Variants in ERICH6B observed in about 807,000 individuals in gnomAD.
ERICH6B encodes glutamate-rich protein 6B.
Under a neutral mutation model 80.0 loss-of-function variants are expected in ERICH6B, and 69 were observed. That is an observed-to-expected ratio of 0.86 (90% CI 0.71 to 1.05). The LOEUF is 1.05. Ranked by LOEUF, ERICH6B falls within the 50% of genes least tolerant of loss-of-function variation. The pLI, the probability that ERICH6B is intolerant of heterozygous loss-of-function variation, is 0.00. For missense variants in ERICH6B, 754 were observed against 796.1 expected, an observed-to-expected ratio of 0.95 and a Z score of 0.64; for synonymous variants, 283 against 291.9, an observed-to-expected ratio of 0.97 and a Z score of 0.31.
intron 8 of ERICH6B, 27 bp downstream of exon 8, chr13:45,574,815 G>GGC (rs767192895): frequency 3.5e-5 from 53 of 1,510,044 alleles, no homozygotes; most frequent in African/African-American, 1.1e-4. Context: ...AGCTGGGGGG[G>GGC]GGGTCTCAAG....
chr13:45,549,847 G>T (rs1395378138), intron 13 of ERICH6B, 46 bp downstream of exon 13: 1 of 1,527,072 alleles, frequency 6.5e-7, no homozygotes, highest in Non-Finnish European at 8.8e-7. Flanking sequence ...TTTTCCAGCT[G>T]CTTCTCCATG....
intron 7 of ERICH6B, among the ~76,000 whole-genome samples, chr13:45,575,282 C>T (rs757874363): frequency 1.3e-5 from 2 of 152,190 alleles, no homozygotes; most frequent in African/African-American, 2.4e-5. Flanking sequence ...GAACATTTGC[C>T]GCACATTCCG....
At position 45,574,950 on chromosome 13, in the gene ERICH6B, C is replaced by G; in HGVS notation, c.962-20G>C. 3.3e-6 allele frequency: 5 copies of G among 1,508,698 alleles called. No individual in the cohort carries two copies. Among genetic ancestry groups the G allele is most frequent in the Non-Finnish European group, 4.5e-6 (5 of 1,111,904 alleles). 93.5% of individuals were successfully genotyped at this position (1,508,698 alleles called of 1,614,324 possible). ...CCAGGACTTTCGATTTTGGAAGGAGCGTCGAAAGGAAGGGCATGTGGAAAG... is the reference window on the plus strand; with the variant it reads ...CCAGGACTTTCGATTTTGGAAGGAGGGTCGAAAGGAAGGGCATGTGGAAAG... On this transcript the variant is annotated intron_variant, in intron 7 of 14. Coordinates refer to ENST00000298738, the MANE Select transcript of ERICH6B (RefSeq NM_182542.3).
In ERICH6B at chr13:45,541,534, G is replaced by A. The variant is rs1222478398; in HGVS notation, c.2019C>T (p.Phe673=). 6.4e-7 allele frequency: 1 copy of A among 1,552,140 alleles called. No homozygotes were observed. Among genetic ancestry groups the A allele is most frequent in the East Asian group, 2.4e-5 (1 of 40,912 alleles). ...TCAGTGATATACTGACGGCCTCTAT[G>A]AAGTTTTCCAGATCAGGGGTGGTCG... ...NYATTPDLEN[F]IEAVSISLMD... is the part of the protein sequence containing the mutation. Residue 673 remains phenylalanine (F), a synonymous_variant, in exon 15 of 15, where the codon TTC becomes TTT. Coordinates refer to ENST00000298738, the MANE Select transcript of ERICH6B (RefSeq NM_182542.3).
chr13:45,589,966 C>T (rs920836304), intron 4 of ERICH6B, among the ~76,000 whole-genome samples: 3 of 152,164 alleles, frequency 2.0e-5, no homozygotes, highest in African/African-American at 7.2e-5. Flanking sequence ...CAAGTTGTAA[C>T]TTATGGGTCC....
chr13:45,556,501 G>A (rs1593777199), intron 11 of ERICH6B, among the ~76,000 whole-genome samples: 1 of 152,206 alleles, frequency 6.6e-6, no homozygotes, highest in East Asian at 1.9e-4. Flanking sequence ...ACCCATCACC[G>A]AAGCAGTAAT....
intron 5 of ERICH6B, among the ~76,000 whole-genome samples, chr13:45,582,261 A>T (rs929824716): frequency 6.6e-6 from 1 of 152,224 alleles, no homozygotes; most frequent in African/African-American, 2.4e-5. Context: ...ATGGCACTCC[A>T]ATGCAGGGCA....
At chr13:45,548,699 C>T (rs976741706) in intron 13 of ERICH6B, among the ~76,000 whole-genome samples, 1 of 152,160 alleles carries the variant, frequency 6.6e-6, no homozygotes, top group African/African-American at 2.4e-5. Flanking sequence ...GCTTGATGGT[C>T]TGTCACCAGA....
chr13:45,566,821 T>C (rs1344052178), intron 9 of ERICH6B, among the ~76,000 whole-genome samples: 1 of 152,178 alleles, frequency 6.6e-6, no homozygotes, highest in Non-Finnish European at 1.5e-5. Context: ...CTAATGGAGC[T>C]ATGAGAAGAG....
chr13:45,549,675 C>T (rs569966572), intron 13 of ERICH6B, among the ~76,000 whole-genome samples: 13 of 152,340 alleles, frequency 8.5e-5, no homozygotes, highest in East Asian at 5.8e-4. Flanking sequence ...GGAGCCTTGA[C>T]GGCTATTTCA....
chr13:45,545,106 G>T, intron 13 of ERICH6B, 121 bp from the exon 14 acceptor site: 1 of 825,264 alleles, frequency 1.2e-6, no homozygotes, highest in Non-Finnish European at 1.9e-6. Context: ...GGACTTGATG[G>T]GTAGGAGAAG....
chr13:45,599,152 T>C (rs939640072), intron 2 of ERICH6B, among the ~76,000 whole-genome samples: 3 of 152,144 alleles, frequency 2.0e-5, no homozygotes, highest in African/African-American at 4.8e-5. Context: ...CAAATGTAAA[T>C]CTGGGAAATA....
chr13:45,594,032 G>A (rs1370108110), intron 3 of ERICH6B, among the ~76,000 whole-genome samples: 1 of 152,220 alleles, frequency 6.6e-6, no homozygotes, highest in Non-Finnish European at 1.5e-5. Flanking sequence ...CTGAGCATCT[G>A]CTATAGGTGA....
chr13:45,555,692 G>T (rs1221461111), intron 11 of ERICH6B, among the ~76,000 whole-genome samples: 1 of 152,034 alleles, frequency 6.6e-6, no homozygotes, highest in African/African-American at 2.4e-5. Flanking sequence ...CCAGATCCCC[G>T]AGATGCACTT....
intron 2 of ERICH6B, among the ~76,000 whole-genome samples, chr13:45,604,188 G>C (rs1171235851): frequency 1.3e-5 from 2 of 152,250 alleles, no homozygotes; most frequent in East Asian, 3.8e-4. Context: ...ACTCTGTGAG[G>C]ATGTTTGGAG....
intron 3 of ERICH6B, among the ~76,000 whole-genome samples, chr13:45,591,638 T>G (rs1361576304): frequency 1.3e-5 from 2 of 152,072 alleles, no homozygotes; most frequent in Non-Finnish European, 2.9e-5. Flanking sequence ...TCTCTAAAAA[T>G]TAAGCAACAT....
Position 45,541,767 on chromosome 13 carries a change from A to T in ERICH6B, c.1873-87T>A, listed in dbSNP as rs1050334462. ...CCAGGCCAGATCTCCTGTGGCCAGG[A>T]CCAAGCGTTCCCTGAGCCTTCACTC... On this transcript the variant is annotated intron_variant, in intron 14 of 14. Coordinates refer to ENST00000298738, the MANE Select transcript of ERICH6B (RefSeq NM_182542.3). 3 of 1,250,390 alleles carry T rather than the reference A, an allele frequency of 2.4e-6. No individual in the cohort carries two copies. The East Asian group carries it at 7.6e-5, about 32-fold the overall frequency. The allele number at this position is 1,250,390 out of a possible 1,614,324, so 77.5% of individuals were successfully genotyped here.
chr13:45,587,027 G>A (rs780509559), intron 5 of ERICH6B, 36 bp downstream of exon 5: 147 of 1,540,382 alleles, frequency 9.5e-5, no homozygotes, highest in Non-Finnish European at 1.1e-4. Context: ...CACAGAGCCC[G>A]GCTGCGCCTC....
At chr13:45,612,848 C>T (rs911698004) in intron 1 of ERICH6B, among the ~76,000 whole-genome samples, 2 of 152,234 alleles carry the variant, frequency 1.3e-5, no homozygotes, top group Non-Finnish European at 1.5e-5. Context: ...AATTGCCCCA[C>T]TTAGTCATTG....
Sources: gnomAD v4.1 joint callset for allele counts (sites outside exome capture counted in the v4.1 genomes callset) on GRCh38, gnomAD v4.1.1 for gene constraint, MANE v1.5 for transcripts, NCBI Gene and HGNC (gene_info 2026-07-23, HGNC 2026-07-21) for gene names.